The following ZNF827 variants were observed in gnomAD, a reference collection of about 807,000 sequenced individuals.
ZNF827 encodes the protein zinc finger protein 827.
A neutral mutation model predicts 102.4 loss-of-function variants in ZNF827; 13 were observed. The observed-to-expected ratio is 0.13, with a 90% CI of 0.08 to 0.20. The LOEUF (loss-of-function observed/expected upper bound fraction) is 0.20, where lower values mean the gene tolerates loss of function less well. Ranked by LOEUF, ZNF827 falls within the 10% of genes least tolerant of loss-of-function variation. The probability of loss-of-function intolerance (pLI) is 1.00; values close to 1 mark genes in which losing one functional copy is unlikely to be tolerated. For missense variants in ZNF827, 1,103 were observed against 1,344.4 expected (o/e 0.82, Z 2.81); for synonymous variants, 523 against 536.2 (o/e 0.98, Z 0.34).
chr4:145,792,381 A>C (rs1467847407), intron 8 of ZNF827, among the ~76,000 whole-genome samples: 3 of 152,014 alleles, frequency 2.0e-5, no homozygotes, highest in Non-Finnish European at 4.4e-5. Flanking sequence ...ATAAGAAAAA[A>C]AAAAAGAAAA....
intron 5 of ZNF827, among the ~76,000 whole-genome samples, chr4:145,856,178 T>A (rs1006087153): frequency 6.6e-6 from 1 of 152,060 alleles, no homozygotes; most frequent in African/African-American, 2.4e-5. Context: ...GTATTTTTAG[T>A]AGAGACAGGT....
intron 1 of ZNF827, among the ~76,000 whole-genome samples, chr4:145,912,843 C>G (rs1752386810): frequency 6.6e-6 from 1 of 152,204 alleles, no homozygotes; most frequent in South Asian, 2.1e-4. Context: ...CAATAAATTT[C>G]TGTTGTTTAA....
At chr4:145,848,197 T>C (rs192363822) in intron 6 of ZNF827, among the ~76,000 whole-genome samples, 1 of 152,328 alleles carries the variant, frequency 6.6e-6, no homozygotes, top group African/African-American at 2.4e-5. Context: ...TAAATAAAAG[T>C]AGCCTGTTTT....
At chr4:145,789,045 G>T (rs868085515) in intron 8 of ZNF827, among the ~76,000 whole-genome samples, 2 of 152,184 alleles carry the variant, frequency 1.3e-5, no homozygotes, top group Admixed American at 1.3e-4. Context: ...AGATATAGGT[G>T]GTAGTTCCTA....
At chr4:145,837,470 C>T (rs996444866) in intron 7 of ZNF827, among the ~76,000 whole-genome samples, 44 of 141,222 alleles carry the variant, frequency 3.1e-4, no homozygotes, top group African/African-American at 9.9e-4. Context: ...AGACTGTGCC[C>T]CCCACCAAAA....
Position 145,874,037 on chromosome 4 carries a change from T to C in ZNF827, c.1748-3559A>G, listed in dbSNP as rs563222209. Among the ~76,000 whole-genome samples the C allele has an allele frequency of 7.0e-4, 106 of 152,142 alleles. No homozygotes were observed. In the Middle Eastern group the frequency reaches 0.01, roughly 15 times the overall value. ...GAAAGAGATGAAAAAAAAAAAACTA[T>C]TGAGGCCCCAGGAGCAAATCCCAAC... is the stretch of plus-strand genomic sequence containing the variant. On this transcript the variant is annotated intron_variant, in intron 4 of 14. Coordinates refer to ENST00000508784, the MANE Select transcript of ZNF827 (RefSeq NM_001306215.2).
chr4:145,864,446 T>G lies in ZNF827; in HGVS notation c.1981+5799A>C, dbSNP rs192985455. Among the ~76,000 whole-genome samples, 474 of 140,476 alleles carry G rather than the reference T, an allele frequency of 3.4e-3. 2 individuals carry two copies. The highest frequency in any genetic ancestry group is 0.012 in the African/African-American group (453 of 37,996). The allele number at this position is 140,476 out of a possible 152,430, so 92.2% of individuals were successfully genotyped here. On this transcript the variant is annotated intron_variant, in intron 5 of 14. Coordinates refer to ENST00000508784, the MANE Select transcript of ZNF827 (RefSeq NM_001306215.2). ...AAAAAAAAAAAAAAAAAAAAAAAATTAGCTGAGTGTGATGATGCACATCTG... is the reference window on the plus strand; with the variant it reads ...AAAAAAAAAAAAAAAAAAAAAAAATGAGCTGAGTGTGATGATGCACATCTG...
At chr4:145,789,473 T>C (rs150116010) in intron 8 of ZNF827, among the ~76,000 whole-genome samples, 101 of 152,344 alleles carry the variant, frequency 6.6e-4, no homozygotes, top group African/African-American at 2.3e-3. Flanking sequence ...CACTATATGA[T>C]GCATTTTACA....
chr4:145,881,693 C>G (rs1249276696), intron 4 of ZNF827, among the ~76,000 whole-genome samples: 1 of 152,158 alleles, frequency 6.6e-6, no homozygotes, highest in Non-Finnish European at 1.5e-5. Flanking sequence ...CAGGAGGCCC[C>G]ACAAGGAAAC....
chr4:145,851,461 T>C (rs1036020445), intron 5 of ZNF827, among the ~76,000 whole-genome samples: 4 of 152,128 alleles, frequency 2.6e-5, no homozygotes, highest in African/African-American at 9.7e-5. Flanking sequence ...CTGGAAAGCA[T>C]GACATGGGTG....
At chr4:145,855,200 C>G (rs1259091339) in intron 5 of ZNF827, among the ~76,000 whole-genome samples, 3 of 152,216 alleles carry the variant, frequency 2.0e-5, no homozygotes, top group African/African-American at 7.2e-5. Flanking sequence ...CGACTGCATG[C>G]TATCATGATT....
chr4:145,799,020 GC>G (rs1291892290), intron 8 of ZNF827, among the ~76,000 whole-genome samples: 1 of 152,192 alleles, frequency 6.6e-6, no homozygotes, highest in African/African-American at 2.4e-5. Context: ...TTCTAGCTTG[GC>G]CACCAATGTT....
chr4:145,793,882 T>C (rs559698841), intron 8 of ZNF827, among the ~76,000 whole-genome samples: 140 of 152,164 alleles, frequency 9.2e-4, no homozygotes, highest in Non-Finnish European at 1.8e-3. Flanking sequence ...TTCTAGTTCA[T>C]AGAGAACTTG....
At chr4:145,768,526 G>A (rs1281818532) in intron 11 of ZNF827, among the ~76,000 whole-genome samples, 2 of 151,902 alleles carry the variant, frequency 1.3e-5, no homozygotes, top group South Asian at 4.2e-4. Flanking sequence ...TGGTTCAAGA[G>A]ACTTAAGAAT....
chr4:145,891,179 A>G (rs1750573569), intron 3 of ZNF827, among the ~76,000 whole-genome samples: 1 of 152,250 alleles, frequency 6.6e-6, no homozygotes, highest in Non-Finnish European at 1.5e-5. Context: ...AATGATAGTT[A>G]TTAGAATTAA....
At position 145,765,510 on chromosome 4, in the gene ZNF827, G is replaced by T. The variant is rs375267951; in HGVS notation, c.3052+37C>A. On this transcript the variant is annotated intron_variant, in intron 12 of 14. Transcript: ENST00000508784. The surrounding 1 kb of genome is among the most constrained non-coding windows in gnomAD (Gnocchi z 4.7). ...CTCAAGAATGGGTCATCCTGGGTGC[G>T]GAGGGTTGAGCAGGCTCACACCCAC... 6.3e-7 allele frequency: 1 copy of T among 1,575,064 alleles called. No homozygotes were observed. The highest frequency in any genetic ancestry group is 8.6e-7 in the Non-Finnish European group (1 of 1,161,656).
chr4:145,905,993 T>A (rs1036370828), intron 1 of ZNF827, among the ~76,000 whole-genome samples: 2 of 152,216 alleles, frequency 1.3e-5, no homozygotes, highest in Admixed American at 6.5e-5. Flanking sequence ...TAGGGTCACC[T>A]AACAGCATAC....
At chr4:145,773,084 G>T (rs1052470485) in intron 11 of ZNF827, among the ~76,000 whole-genome samples, 24 of 152,254 alleles carry the variant, frequency 1.6e-4, no homozygotes, top group African/African-American at 5.8e-4. Context: ...AGTAAAGAGG[G>T]TTAGAACAAA....
At chr4:145,929,197 A>G (rs892859777) in intron 1 of ZNF827, among the ~76,000 whole-genome samples, 1 of 152,136 alleles carries the variant, frequency 6.6e-6, no homozygotes, top group Non-Finnish European at 1.5e-5. Flanking sequence ...CATTGCATGT[A>G]TTCTCTTGAT....
Sources: gnomAD v4.1 joint callset for allele counts (sites outside exome capture counted in the v4.1 genomes callset) on GRCh38, gnomAD v4.1.1 for gene constraint, Gnocchi (gnomAD v3.1) non-coding constraint, MANE v1.5 for transcripts, NCBI Gene and HGNC (gene_info 2026-07-23, HGNC 2026-07-21) for gene names.